The following TACR1 variants were observed in gnomAD, a reference collection of about 807,000 sequenced individuals.
TACR1 encodes the protein tachykinin receptor 1, also known as substance-P receptor.
In TACR1, 25 loss-of-function variants were observed where a neutral mutation model predicts 35.8. That is an observed-to-expected ratio of 0.70 (90% CI 0.51 to 0.98). TACR1 has a LOEUF of 0.98. Among genes scored for constraint, TACR1 ranks in the 50% least tolerant of loss-of-function variants. The probability of loss-of-function intolerance (pLI) is 0.00; values close to 1 mark genes in which losing one functional copy is unlikely to be tolerated. For missense variants in TACR1, 478 were observed against 522.9 expected (o/e 0.91, Z 0.84); for synonymous variants, 195 against 206.7 (o/e 0.94, Z 0.48).
At chr2:75,131,249 T>C (rs1406535975) in intron 1 of TACR1, among the ~76,000 whole-genome samples, 1 of 151,956 alleles carries the variant, frequency 6.6e-6, no homozygotes, top group African/African-American at 2.4e-5. Context: ...CCACCATGCT[T>C]GGCTAATTTT....
intron 2 of TACR1, among the ~76,000 whole-genome samples, chr2:75,086,962 A>G (rs1459356862): frequency 4.6e-5 from 7 of 152,200 alleles, no homozygotes; most frequent in Admixed American, 1.3e-4. Flanking sequence ...GTTTAGACCC[A>G]TCTTGCCCAA....
intron 2 of TACR1, among the ~76,000 whole-genome samples, chr2:75,114,821 C>T (rs1448247115): frequency 6.6e-6 from 1 of 152,138 alleles, no homozygotes; most frequent in Admixed American, 6.5e-5. Flanking sequence ...TATTGCAGGA[C>T]TTAATTACAA....
At chr2:75,179,062 T>C (rs1675498196) in intron 1 of TACR1, among the ~76,000 whole-genome samples, 1 of 152,202 alleles carries the variant, frequency 6.6e-6, no homozygotes, top group Non-Finnish European at 1.5e-5. Flanking sequence ...TCATGAAGTA[T>C]CTCTACTTGT....
rs1314065780 is a variant in TACR1, at chr2:75,049,643, G to A, written c.1013C>T (p.Ser338Phe). 7 of 1,614,140 alleles carry A rather than the reference G, an allele frequency of 4.3e-6. No individual in the cohort carries two copies. The highest frequency in any genetic ancestry group is 5.9e-6 in the Non-Finnish European group (7 of 1,180,030). Residue 338 changes from serine (S) to phenylalanine (F), a missense_variant, in exon 5 of 5, where the codon TCC becomes TTC. By Grantham distance (155) the Ser-to-Phe change is radical. Transcript: ENST00000305249. The part of the protein sequence containing the change: ...AGDYEGLEMK[S>F]TRYLQTQGSV... ...GCCCTGGGTCTGGAGATACCGGGTG[G>A]ATTTCATTTCCAGCCCCTCATAGTC...
At chr2:75,114,287 A>G (rs1191468935) in intron 2 of TACR1, among the ~76,000 whole-genome samples, 3 of 152,230 alleles carry the variant, frequency 2.0e-5, no homozygotes, top group Non-Finnish European at 4.4e-5. Flanking sequence ...TAGAAATTTA[A>G]TTATCAGAAA....
intron 1 of TACR1, chr2:75,154,401 A>AGCGCGCGTGCGCGC (rs142809732): frequency 1.3e-5 from 1 of 76,444 alleles, no homozygotes; most frequent in Non-Finnish European, 2.7e-5. Context: ...ATCAGCCAAG[A>AGCGCGCGTGCGCGC]GCGCGCACGC....
intron 1 of TACR1, among the ~76,000 whole-genome samples, chr2:75,186,111 C>T (rs1049259806): frequency 6.6e-6 from 1 of 152,098 alleles, no homozygotes; most frequent in African/African-American, 2.4e-5. Context: ...CTGTGGCTCA[C>T]GCCTGTAATC....
intron 2 of TACR1, among the ~76,000 whole-genome samples, chr2:75,089,867 A>G (rs1219892348): frequency 6.6e-6 from 1 of 152,222 alleles, no homozygotes; most frequent in Non-Finnish European, 1.5e-5. Context: ...ATAGTACATT[A>G]CAAAGGTTTT....
At chr2:75,163,920 T>G (rs1675074306) in intron 1 of TACR1, among the ~76,000 whole-genome samples, 1 of 152,172 alleles carries the variant, frequency 6.6e-6, no homozygotes, top group Admixed American at 6.5e-5. Flanking sequence ...CTTCTATTTC[T>G]TTGGAGTATT....
In TACR1 at chr2:75,049,541, C is replaced by T. The variant is rs760755179; in HGVS notation, c.1115G>A (p.Gly372Asp). The T allele has an allele frequency of 6.2e-6, 10 of 1,614,168 alleles. No homozygotes were observed. Among genetic ancestry groups the T allele is most frequent in the South Asian group, 1.1e-5 (1 of 91,084 alleles). ...CAGGGACGAGGGTGTGGCCTTGGGG[C>T]CGTCCTCTGGCTCCTCCTCGTGGGC... ...VGAHEEEPEDGPKATPSSLDL... is the reference protein window; with the variant it reads ...VGAHEEEPEDDPKATPSSLDL... The change falls in exon 5 of 5, where the codon GGC (glycine) becomes GAC (aspartate). Residue 372 changes from glycine to aspartate, a missense_variant. Physicochemically the swap from Gly to Asp is moderately conservative, Grantham distance 94. Coordinates refer to ENST00000305249, the MANE Select transcript of TACR1 (RefSeq NM_001058.4).
intron 2 of TACR1, among the ~76,000 whole-genome samples, chr2:75,096,476 A>T (rs1045158096): frequency 5.9e-5 from 9 of 152,172 alleles, no homozygotes; most frequent in African/African-American, 2.2e-4. Context: ...AATTGTGTGT[A>T]TTGGGGTAAA....
chr2:75,079,048 G>A (rs1035020127), intron 2 of TACR1, among the ~76,000 whole-genome samples: 20 of 152,108 alleles, frequency 1.3e-4, no homozygotes, highest in Non-Finnish European at 4.4e-5. Flanking sequence ...GTGCTGGGGA[G>A]CTCACCACCT....
At chr2:75,061,336 C>T (rs960126132) in intron 2 of TACR1, among the ~76,000 whole-genome samples, 2 of 151,932 alleles carry the variant, frequency 1.3e-5, no homozygotes, top group East Asian at 1.9e-4. Context: ...TTAGTGGCAT[C>T]GTCAGAGAAG....
intron 1 of TACR1, chr2:75,189,488 T>C (rs1675792657): frequency 6.6e-6 from 1 of 152,350 alleles, no homozygotes; most frequent in South Asian, 2.1e-4. Flanking sequence ...TTGCTTTGTA[T>C]GTGATTTGCT....
chr2:75,175,524 T>A (rs1012351571), intron 1 of TACR1, among the ~76,000 whole-genome samples: 8 of 152,180 alleles, frequency 5.3e-5, no homozygotes, highest in African/African-American at 1.9e-4. Flanking sequence ...TTGACCCTTC[T>A]TTTTTCAGAT....
chr2:75,103,892 A>G (rs929624255), intron 2 of TACR1, among the ~76,000 whole-genome samples: 1 of 152,144 alleles, frequency 6.6e-6, no homozygotes, highest in Non-Finnish European at 1.5e-5. Flanking sequence ...CACAAAGCAG[A>G]AACATAAAGT....
At chr2:75,171,244 C>T (rs372204462) in intron 1 of TACR1, among the ~76,000 whole-genome samples, 2 of 152,312 alleles carry the variant, frequency 1.3e-5, no homozygotes, top group East Asian at 3.9e-4. Flanking sequence ...TAACTCAGGC[C>T]ATTGCTTCAG....
chr2:75,114,557 A>G (rs566661100), intron 2 of TACR1, among the ~76,000 whole-genome samples: 151 of 152,346 alleles, frequency 9.9e-4, no homozygotes, highest in African/African-American at 3.4e-3. Flanking sequence ...GCTCTCATTA[A>G]CTTTGAAAGC....
intron 1 of TACR1, among the ~76,000 whole-genome samples, chr2:75,158,578 A>G (rs1011537706): frequency 1.3e-5 from 2 of 152,204 alleles, no homozygotes; most frequent in Non-Finnish European, 2.9e-5. Flanking sequence ...TGTTTTTATC[A>G]GCTCTGGGTG....
Sources: gnomAD v4.1 joint callset for allele counts (sites outside exome capture counted in the v4.1 genomes callset) on GRCh38, gnomAD v4.1.1 for gene constraint, MANE v1.5 for transcripts, NCBI Gene and HGNC (gene_info 2026-07-23, HGNC 2026-07-21) for gene names.